Variants in TRAF3IP2 observed in about 807,000 individuals in gnomAD.
TRAF3IP2 encodes E3 ubiquitin ligase TRAF3IP2.
A neutral mutation model predicts 57.9 loss-of-function variants in TRAF3IP2; 35 were observed. That is an observed-to-expected ratio of 0.60 (90% confidence interval 0.46 to 0.80). The LOEUF (loss-of-function observed/expected upper bound fraction) is 0.80. Ranked by LOEUF, TRAF3IP2 falls within the 30% of genes least tolerant of loss-of-function variation. The pLI is 0.00. For synonymous variants in TRAF3IP2, 251 were observed against 268.9 expected, an observed-to-expected ratio of 0.93 and a Z score of 0.65; for missense variants, 556 against 706.4, an observed-to-expected ratio of 0.79 and a Z score of 2.41.
chr6:111,597,337 C>A (rs1046148611), intron 1 of TRAF3IP2, among the ~76,000 whole-genome samples: 3 of 152,144 alleles, frequency 2.0e-5, no homozygotes, highest in Non-Finnish European at 2.9e-5. Context: ...TCTTAGATTC[C>A]AGGCAGGGAG....
intron 2 of TRAF3IP2, among the ~76,000 whole-genome samples, chr6:111,587,350 GGT>G: frequency 6.6e-6 from 1 of 152,166 alleles, no homozygotes; most frequent in Middle Eastern, 3.4e-3. Flanking sequence ...CCACCTTCCG[GGT>G]TCAAGTGATT....
chr6:111,577,379 T>C (rs920922736), intron 3 of TRAF3IP2, among the ~76,000 whole-genome samples: 5 of 152,178 alleles, frequency 3.3e-5, no homozygotes, highest in Admixed American at 6.5e-5. Context: ...TTTCAAACTA[T>C]GAGTAAGAGG....
At position 111,575,675 on chromosome 6, in the gene TRAF3IP2, G is replaced by T. The variant is rs758792853; in HGVS notation, c.1169C>A (p.Thr390Asn). The T allele has an allele frequency of 6.2e-7, 1 of 1,612,980 alleles. No homozygotes were observed. Among genetic ancestry groups the T allele is most frequent in the South Asian group, 1.1e-5 (1 of 91,030 alleles). The change falls in exon 4 of 9, where the codon ACT (threonine) becomes AAT (asparagine). Residue 390 changes from threonine (T) to asparagine (N), a missense_variant. Physicochemically the swap from Thr to Asn is moderately conservative, Grantham distance 65. Transcript: ENST00000368761. ...TTCTGGCAAATTGCTTGTTTTTAGAGTTCCTCTGGCTGGAGGGTTGCTAGG... is the reference window on the plus strand; with the variant it reads ...TTCTGGCAAATTGCTTGTTTTTAGATTTCCTCTGGCTGGAGGGTTGCTAGG... ...RPPSNPPARG[T>N]LKTSNLPEEL...
At chr6:111,595,605 A>G (rs995280453) in intron 1 of TRAF3IP2, among the ~76,000 whole-genome samples, 14 of 152,148 alleles carry the variant, frequency 9.2e-5, no homozygotes, top group Non-Finnish European at 1.9e-4. Flanking sequence ...CAAGGCGGGC[A>G]GATCGCAAAG....
chr6:111,579,316 CAAAAAAAAAAA>C (rs529040872), intron 3 of TRAF3IP2, among the ~76,000 whole-genome samples: 1 of 69,832 alleles, frequency 1.4e-5, no homozygotes, highest in Admixed American at 1.9e-4. Flanking sequence ...GGCTCCATCT[CAAAAAAAAAAA>C]AAAAAAAAAA....
At position 111,559,148 on chromosome 6, in the gene TRAF3IP2, T is replaced by C. The variant is rs1795340279; in HGVS notation, c.*257A>G. On this transcript the variant is annotated 3_prime_UTR_variant, in exon 9 of 9. Coordinates refer to ENST00000368761, the MANE Select transcript of TRAF3IP2 (RefSeq NM_147686.4). ...ACACATCAAACTGTCAGGAGGAACA[T>C]ATGGGACACTGGCACCTGCAATGGT... 4.7e-6 allele frequency: 2 copies of C among 425,128 alleles called. No individual in the cohort carries two copies. The highest frequency in any genetic ancestry group is 8.4e-6 in the Non-Finnish European group (2 of 237,330). The allele number at this position is 425,128 out of a possible 1,614,324, so 26.3% of individuals were successfully genotyped here.
chr6:111,577,990 G>C (rs946302608), intron 3 of TRAF3IP2, among the ~76,000 whole-genome samples: 1 of 152,168 alleles, frequency 6.6e-6, no homozygotes, highest in Non-Finnish European at 1.5e-5. Flanking sequence ...TGGGATTACA[G>C]GTGTGAGCCA....
chr6:111,568,210 G>A (rs1795712868), intron 5 of TRAF3IP2, among the ~76,000 whole-genome samples: 1 of 152,166 alleles, frequency 6.6e-6, no homozygotes. Context: ...ATGAAACTTG[G>A]AGCAGAGCCA....
intron 7 of TRAF3IP2, chr6:111,565,272 C>T (rs1795595813): frequency 6.6e-6 from 1 of 152,248 alleles, no homozygotes; most frequent in African/African-American, 2.4e-5. Context: ...CCTACATCTG[C>T]TTCCCCTGAG....
At chr6:111,564,085 A>C (rs1795540362) in intron 7 of TRAF3IP2, among the ~76,000 whole-genome samples, 1 of 152,196 alleles carries the variant, frequency 6.6e-6, no homozygotes, top group African/African-American at 2.4e-5. Context: ...ACAGAGAAGA[A>C]AGTGACAGTG....
chr6:111,563,111 C>T (rs764676859), intron 7 of TRAF3IP2, 72 bp from the exon 8 acceptor site: 1 of 1,122,844 alleles, frequency 8.9e-7, no homozygotes, highest in Non-Finnish European at 1.3e-6. Flanking sequence ...CATAATCATG[C>T]ACGTCCACAT....
chr6:111,580,605 C>T (rs1003782543), intron 2 of TRAF3IP2, among the ~76,000 whole-genome samples: 4 of 152,230 alleles, frequency 2.6e-5, no homozygotes, highest in East Asian at 1.9e-4. Flanking sequence ...AAAACATCTG[C>T]GAAATCACCA....
intron 3 of TRAF3IP2, among the ~76,000 whole-genome samples, chr6:111,577,760 G>A (rs1334176115): frequency 1.3e-5 from 2 of 150,216 alleles, no homozygotes; most frequent in Non-Finnish European, 3.0e-5. Context: ...CACCCAGGCT[G>A]GAGTGCAGTG....
intron 1 of TRAF3IP2, chr6:111,594,531 T>C: frequency 2.2e-6 from 1 of 451,300 alleles, no homozygotes; most frequent in Non-Finnish European, 4.4e-6. Context: ...ATCTGGGGGC[T>C]TGGAGGAGGC....
chr6:111,559,459 C>T lies in TRAF3IP2; in HGVS notation c.1644G>A (p.Glu548=), dbSNP rs1172261097. Reference sequence around the variant, plus strand: ...GAGGCCCCCGTGGAGGAGCCACATACTCTTCCTCTCTCAGCAGCCGCAGCA... The same window carrying T: ...GAGGCCCCCGTGGAGGAGCCACATATTCTTCCTCTCTCAGCAGCCGCAGCA... ...NILLRLLREE[E]YVAPPRGPLP... The change falls in exon 9 of 9, where the codon GAG becomes GAA. Residue 548 remains glutamate, a synonymous_variant. Transcript: ENST00000368761. 2 of 1,614,090 alleles carry T rather than the reference C, an allele frequency of 1.2e-6. No individual in the cohort carries two copies. The highest frequency in any genetic ancestry group is 1.7e-6 in the Non-Finnish European group (2 of 1,179,948).
intron 2 of TRAF3IP2, among the ~76,000 whole-genome samples, chr6:111,583,481 A>G (rs1174970920): frequency 6.6e-6 from 1 of 152,172 alleles, no homozygotes; most frequent in African/African-American, 2.4e-5. Flanking sequence ...GCCTCCTGTC[A>G]GATCAGCAGC....
At position 111,577,896 on chromosome 6, in the gene TRAF3IP2, A is replaced by G. The variant is rs1336945858; in HGVS notation, c.1023-2075T>C. Among the ~76,000 whole-genome samples the G allele has an allele frequency of 1.3e-4, 20 of 151,824 alleles. No homozygotes were observed. In the East Asian group the frequency reaches 3.5e-3, roughly 27 times the overall value. ...CCGGCTAATTTTTGTATTTTTTTGTAGAGATGGGTTTTCGCTATGTTGCCC... is the reference window on the plus strand; with the variant it reads ...CCGGCTAATTTTTGTATTTTTTTGTGGAGATGGGTTTTCGCTATGTTGCCC... On this transcript the variant is annotated intron_variant, in intron 3 of 8. Coordinates refer to ENST00000368761, the MANE Select transcript of TRAF3IP2 (RefSeq NM_147686.4).
At position 111,595,827 on chromosome 6, in the gene TRAF3IP2, C is replaced by CA. The variant is rs569836365; in HGVS notation, c.-8-3734dup. On this transcript the variant is annotated intron_variant, in intron 1 of 8. Transcript: ENST00000368761. ...TGGGTGACACAGCGAGACTCTGTCT[C>CA]AAAAAAAAAAAAAAAAAGGAGGTAT... Among the ~76,000 whole-genome samples the CA allele has an allele frequency of 8.7e-3, 810 of 92,712 alleles. 8 individuals are homozygous for CA. The highest frequency in any genetic ancestry group is 0.021 in the African/African-American group (520 of 25,088). The allele number at this position is 92,712 out of a possible 152,430, so 60.8% of individuals were successfully genotyped here. A position where few individuals can be genotyped will look rare whatever the true frequency, so the allele number is the denominator to read the frequency against.
intron 1 of TRAF3IP2, among the ~76,000 whole-genome samples, 199 bp downstream of exon 1, chr6:111,605,577 C>A (rs550434020): frequency 6.6e-6 from 1 of 152,316 alleles, no homozygotes; most frequent in East Asian, 1.9e-4. Context: ...ACTATACTAG[C>A]AACACATCCT....
Sources: gnomAD v4.1 joint callset for allele counts (sites outside exome capture counted in the v4.1 genomes callset) on GRCh38, gnomAD v4.1.1 for gene constraint, MANE v1.5 for transcripts, NCBI Gene and HGNC (gene_info 2026-07-23, HGNC 2026-07-21) for gene names.